Variants in RALGAPA1 observed in about 807,000 individuals in gnomAD.
The protein encoded by RALGAPA1 is Ral GTPase activating protein catalytic subunit alpha 1.
In RALGAPA1, 52 loss-of-function variants were observed where a neutral mutation model predicts 269.6. That is an observed-to-expected ratio of 0.19 (90% CI 0.15 to 0.24). The LOEUF (loss-of-function observed/expected upper bound fraction) is 0.24, where lower values mean the gene tolerates loss of function less well. Ranked by LOEUF, RALGAPA1 falls within the 10% of genes least tolerant of loss-of-function variation. The probability of loss-of-function intolerance (pLI) is 1.00; values close to 1 mark genes in which losing one functional copy is unlikely to be tolerated. For synonymous variants in RALGAPA1, 817 were observed against 1,008.3 expected (o/e 0.81, Z 3.60); for missense variants, 1,917 against 3,013.9 (o/e 0.64, Z 8.52).
chr14:35,753,618 A>G (rs1450623876), intron 7 of RALGAPA1, among the ~76,000 whole-genome samples: 2 of 152,242 alleles, frequency 1.3e-5, no homozygotes, highest in Admixed American at 1.3e-4. Context: ...TCCTATTAAC[A>G]TGAAATGTCC....
chr14:35,621,143 G>T (rs1490336813), intron 35 of RALGAPA1, among the ~76,000 whole-genome samples: 1 of 152,260 alleles, frequency 6.6e-6, no homozygotes, highest in African/African-American at 2.4e-5. Flanking sequence ...AAAACAGCAT[G>T]GTACTGGTAC....
chr14:35,553,153 C>T (rs971095369), intron 39 of RALGAPA1, among the ~76,000 whole-genome samples: 6 of 152,162 alleles, frequency 3.9e-5, no homozygotes, highest in African/African-American at 7.2e-5. Flanking sequence ...TGCCCTGACA[C>T]CTGTCCTGAA....
chr14:35,657,053 T>A (rs150945130), intron 28 of RALGAPA1, among the ~76,000 whole-genome samples: 11 of 152,198 alleles, frequency 7.2e-5, no homozygotes, highest in African/African-American at 1.7e-4. Context: ...ATATATATAT[T>A]TTTTTCTTGC....
At chr14:35,607,328 A>G (rs557394282) in intron 35 of RALGAPA1, among the ~76,000 whole-genome samples, 5 of 152,278 alleles carry the variant, frequency 3.3e-5, no homozygotes, top group East Asian at 1.9e-4. Flanking sequence ...CCAGCTTCCA[A>G]TCTGGAGCTA....
chr14:35,634,000 T>C (rs990665414), intron 33 of RALGAPA1, among the ~76,000 whole-genome samples: 1 of 152,194 alleles, frequency 6.6e-6, no homozygotes, highest in Non-Finnish European at 1.5e-5. Context: ...AGGAAACTAA[T>C]ATTTGCATTT....
chr14:35,744,966 T>C (rs542287603), intron 10 of RALGAPA1, among the ~76,000 whole-genome samples: 7 of 152,322 alleles, frequency 4.6e-5, no homozygotes, highest in African/African-American at 1.4e-4. Flanking sequence ...TCTTAAAAAA[T>C]TAATATCATC....
chr14:35,739,079 C>A (rs1452689248), intron 11 of RALGAPA1, among the ~76,000 whole-genome samples: 1 of 151,902 alleles, frequency 6.6e-6, no homozygotes, highest in African/African-American at 2.4e-5. Context: ...CTTAGGAGTA[C>A]TAAAATTCTC....
chr14:35,724,662 G>A (rs1437829535), intron 14 of RALGAPA1, among the ~76,000 whole-genome samples: 1 of 151,996 alleles, frequency 6.6e-6, no homozygotes, highest in Non-Finnish European at 1.5e-5. Flanking sequence ...CCAGAGATAC[G>A]GAAACTCATA....
chr14:35,581,759 T>C (rs561221767), intron 37 of RALGAPA1, among the ~76,000 whole-genome samples: 18 of 152,174 alleles, frequency 1.2e-4, no homozygotes, highest in African/African-American at 3.6e-4. Context: ...TGTGGAAAAA[T>C]TGCAACCCTT....
At chr14:35,775,540 A>C (rs1243595728) in intron 2 of RALGAPA1, 95 bp downstream of exon 2, 1 of 1,429,450 alleles carries the variant, frequency 7.0e-7, no homozygotes, top group Admixed American at 3.3e-5. Context: ...GTCCGACAAA[A>C]ATAAGTGAAA....
chr14:35,748,712 T>C lies in RALGAPA1; in HGVS notation c.1124A>G (p.Glu375Gly), dbSNP rs772060334. The change falls in exon 10 of 42, where the codon GAG becomes GGG. Residue 375 changes from glutamate (E) to glycine (G), a missense_variant. Glu to Gly is a moderately conservative substitution (Grantham distance 98, BLOSUM62 -2). Coordinates refer to ENST00000680220, the MANE Select transcript of RALGAPA1 (RefSeq NM_001346249.2). ...GAGACTAGATGAGCTAGGTTCTCGCTCCGTGAGAGTGCTTGTATTGGAATG... is the reference window on the plus strand; with the variant it reads ...GAGACTAGATGAGCTAGGTTCTCGCCCCGTGAGAGTGCTTGTATTGGAATG... Reference protein sequence around the residue: ...QSHSNTSTLTEREPSSSSLCS... With the variant: ...QSHSNTSTLTGREPSSSSLCS... 1.2e-6 allele frequency: 2 copies of C among 1,613,562 alleles called. No homozygotes were observed. The highest frequency in any genetic ancestry group is 1.7e-6 in the Non-Finnish European group (2 of 1,179,854).
At chr14:35,780,191 C>T (rs919980662) in intron 1 of RALGAPA1, among the ~76,000 whole-genome samples, 10 of 151,848 alleles carry the variant, frequency 6.6e-5, no homozygotes, top group East Asian at 1.9e-4. Context: ...CAATTGTGAA[C>T]ATATATGCAC....
chr14:35,757,431 CA>C (rs2073284361), intron 6 of RALGAPA1, among the ~76,000 whole-genome samples: 1 of 151,974 alleles, frequency 6.6e-6, no homozygotes, highest in Non-Finnish European at 1.5e-5. Flanking sequence ...CAAATTTTAA[CA>C]ATCAGCTGTT....
intron 5 of RALGAPA1, among the ~76,000 whole-genome samples, chr14:35,761,502 A>C (rs2073705305): frequency 6.6e-6 from 1 of 152,106 alleles, no homozygotes; most frequent in Non-Finnish European, 1.5e-5. Flanking sequence ...AATTATTAAA[A>C]ATAAAATGAT....
At chr14:35,713,231 G>A (rs1322783422) in intron 16 of RALGAPA1, among the ~76,000 whole-genome samples, 1 of 152,206 alleles carries the variant, frequency 6.6e-6, no homozygotes, top group African/African-American at 2.4e-5. Context: ...GATAGCAGCA[G>A]TGAAAATGTA....
At chr14:35,727,294 GT>G (rs1054840676) in intron 13 of RALGAPA1, among the ~76,000 whole-genome samples, 1 of 124,752 alleles carries the variant, frequency 8.0e-6, no homozygotes. Flanking sequence ...TACAGGACTG[GT>G]TAAGAAAATT....
In RALGAPA1 at chr14:35,618,845, G is replaced by A. The variant is rs2060424235; in HGVS notation, c.6929+6516C>T. ...TATCAATAAAACAATAAAACACCTAGAAATATACAAACAAGAAATGTCTGG... is the reference window on the plus strand; with the variant it reads ...TATCAATAAAACAATAAAACACCTAAAAATATACAAACAAGAAATGTCTGG... On this transcript the variant is annotated intron_variant, in intron 35 of 41. Coordinates refer to ENST00000680220, the MANE Select transcript of RALGAPA1 (RefSeq NM_001346249.2). Among the ~76,000 whole-genome samples the A allele has an allele frequency of 2.0e-5, 3 of 152,108 alleles. No homozygotes were observed. In the South Asian group the frequency reaches 6.2e-4, roughly 32 times the overall value.
At chr14:35,700,351 C>CT in intron 16 of RALGAPA1, 49 bp from the exon 17 acceptor site, 1 of 1,429,164 alleles carries the variant, frequency 7.0e-7, no homozygotes, top group Non-Finnish European at 9.2e-7. Flanking sequence ...AGAAGAGTGA[C>CT]TATAATGAAA....
intron 17 of RALGAPA1, among the ~76,000 whole-genome samples, chr14:35,696,062 G>A (rs2066871463): frequency 2.0e-5 from 3 of 152,166 alleles, no homozygotes; most frequent in Middle Eastern, 3.2e-3. Context: ...TTGACATAGT[G>A]CTAATGCCCA....
Sources: allele counts gnomAD v4.1 joint callset (sites outside exome capture counted in the v4.1 genomes callset), GRCh38; gene constraint gnomAD v4.1.1; transcripts MANE v1.5; gene names NCBI Gene and HGNC (gene_info 2026-07-23, HGNC 2026-07-21).